TRAK1: variants seen among roughly 807,000 people sequenced by gnomAD.
TRAK1 encodes trafficking kinesin-binding protein 1.
Under a neutral mutation model 92.1 loss-of-function variants are expected in TRAK1, and 33 were observed. That is an observed-to-expected ratio of 0.36 (90% CI 0.27 to 0.48). TRAK1 has a LOEUF of 0.48. Ranked by LOEUF, TRAK1 falls within the 20% of genes least tolerant of loss-of-function variation. TRAK1 has a pLI of 0.99. For missense variants in TRAK1, 1,123 were observed against 1,257.9 expected (o/e 0.89, Z 1.62); for synonymous variants, 521 against 517.3 (o/e 1.01, Z -0.10).
At chr3:42,219,792 T>TG in intron 15 of TRAK1, among the ~76,000 whole-genome samples, 196 bp downstream of exon 15, 1 of 137,438 alleles carries the variant, frequency 7.3e-6, no homozygotes, top group Admixed American at 7.2e-5. Flanking sequence ...ATGTGTTTTT[T>TG]TTTTTTTTTT....
chr3:42,158,961 AAATAATAATAATAATAATAAT>A lies in TRAK1; in HGVS notation c.287-17831_287-17811del, dbSNP rs4016239. Among the ~76,000 whole-genome samples, 907 of 140,170 alleles carry A rather than the reference AAATAATAATAATAATAATAAT, an allele frequency of 6.5e-3. 7 individuals are homozygous for A. The highest frequency in any genetic ancestry group is 0.022 in the African/African-American group (834 of 38,344). The allele number at this position is 140,170 out of a possible 152,430, so 92.0% of individuals were successfully genotyped here. A position where few individuals can be genotyped will look rare whatever the true frequency, so the allele number is the denominator to read the frequency against. The stretch of plus-strand genomic sequence containing the variant: ...GCGACAAAGCAAGACTCTGTCTCAA[AAATAATAATAATAATAATAAT>A]AATAATAATAATAATAATAATTAGA... On this transcript the variant is annotated intron_variant, in intron 2 of 15. Transcript: ENST00000327628.
chr3:42,127,901 G>T (rs182196574), intron 2 of TRAK1, among the ~76,000 whole-genome samples: 178 of 152,222 alleles, frequency 1.2e-3, no homozygotes, highest in African/African-American at 4.2e-3. Flanking sequence ...ACTTGAGGCC[G>T]GGCGTGGTGG....
intron 1 of TRAK1, among the ~76,000 whole-genome samples, chr3:42,113,156 G>A (rs895204786): frequency 6.6e-6 from 1 of 152,158 alleles, no homozygotes; most frequent in African/African-American, 2.4e-5. Flanking sequence ...TGAGGTGGGC[G>A]GATCAGTTAA....
intron 1 of TRAK1, among the ~76,000 whole-genome samples, chr3:42,064,266 C>A (rs1030800642): frequency 2.6e-5 from 4 of 151,940 alleles, no homozygotes; most frequent in African/African-American, 7.3e-5. Context: ...GGGTTTGAGA[C>A]CAGCCTGGGC....
chr3:42,016,509 T>TCGTTGCATTCTGAGTCCCTGC (rs1701532794), intron 1 of TRAK1, among the ~76,000 whole-genome samples: 1 of 152,198 alleles, frequency 6.6e-6, no homozygotes, highest in Non-Finnish European at 1.5e-5. Flanking sequence ...CCAGTCCCTG[T>TCGTTGCATTCTGAGTCCCTGC]CGTTGCATTC....
chr3:42,163,566 T>A (rs1245490011), intron 2 of TRAK1, among the ~76,000 whole-genome samples: 3 of 140,806 alleles, frequency 2.1e-5, no homozygotes, highest in Admixed American at 1.4e-4. Flanking sequence ...AGACTCCATC[T>A]CAAAGAAAAA....
At position 42,067,595 on chromosome 3, in the gene TRAK1, T is replaced by TA. The variant is rs376095688; in HGVS notation, c.-518-19509_-518-19508insA. On this transcript the variant is annotated intron_variant, in intron 1 of 16. Transcript: ENST00000487159. ...GTTCCCCTTTAGTGCTTAGATGAGA[T>TA]TTTTTTTTTTTTCAGGCTTTGTAAG... is the stretch of plus-strand genomic sequence containing the variant. Among the ~76,000 whole-genome samples the TA allele has an allele frequency of 6.7e-3, 960 of 143,296 alleles. 5 individuals carry two copies. The highest frequency in any genetic ancestry group is 0.023 in the African/African-American group (886 of 39,298). 94.0% of individuals were successfully genotyped at this position (143,296 alleles called of 152,430 possible).
chr3:42,108,891 T>C (rs1396230607), intron 1 of TRAK1, among the ~76,000 whole-genome samples: 1 of 152,154 alleles, frequency 6.6e-6, no homozygotes, highest in Non-Finnish European at 1.5e-5. Flanking sequence ...CTATGTGCTT[T>C]GCTTAAGAAA....
upstream of TRAK1, among the ~76,000 whole-genome samples, chr3:42,089,922 C>T (rs148005708): frequency 1.8e-3 from 269 of 152,196 alleles, 1 homozygote; most frequent in African/African-American, 5.5e-3. Flanking sequence ...TCAATTGTGT[C>T]AATTTGTGCA....
intron 1 of TRAK1, among the ~76,000 whole-genome samples, chr3:42,080,803 T>A (rs1012571498): frequency 6.6e-6 from 1 of 152,242 alleles, no homozygotes; most frequent in Non-Finnish European, 1.5e-5. Context: ...ACAAACCAGC[T>A]TTTGAGTAGT....
chr3:42,090,623 C>T (rs1303474620), upstream of TRAK1, among the ~76,000 whole-genome samples: 1 of 152,170 alleles, frequency 6.6e-6, no homozygotes, highest in Admixed American at 6.5e-5. Flanking sequence ...ATGGAGGTTG[C>T]AGTGAGCTGA....
intron 1 of TRAK1, among the ~76,000 whole-genome samples, chr3:42,118,582 G>A (rs1365879282): frequency 6.6e-6 from 1 of 152,204 alleles, no homozygotes; most frequent in East Asian, 1.9e-4. Context: ...TGCAGGTGAG[G>A]ATCTAGCCCC....
chr3:42,191,454 C>T, intron 6 of TRAK1, 104 bp from the exon 7 acceptor site: 3 of 934,622 alleles, frequency 3.2e-6, no homozygotes, highest in Admixed American at 2.7e-5. Context: ...ATGCTAAGGG[C>T]AGCTTCCCAG....
At chr3:42,178,307 T>C (rs1348326170) in intron 3 of TRAK1, among the ~76,000 whole-genome samples, 3 of 152,174 alleles carry the variant, frequency 2.0e-5, no homozygotes, top group African/African-American at 7.2e-5. Flanking sequence ...TCACCCTTTC[T>C]GTAAAGCTCC....
Position 42,170,073 on chromosome 3 carries a change from T to A in TRAK1, c.287-6741T>A, listed in dbSNP as rs1702359815. Among the ~76,000 whole-genome samples the A allele has an allele frequency of 2.0e-5, 3 of 150,198 alleles. No homozygotes were observed. The South Asian group carries it at 6.4e-4, about 32-fold the overall frequency. ...GAGGAGCTATGGTGAAGAGTGAGCT[T>A]GGGTGGCAGGGGACGAGGCGGGAGG... On this transcript the variant is annotated intron_variant, in intron 2 of 15. Transcript: ENST00000327628.
intron 12 of TRAK1, among the ~76,000 whole-genome samples, chr3:42,201,865 C>T (rs993770954): frequency 1.6e-4 from 18 of 110,464 alleles, no homozygotes; most frequent in Admixed American, 8.6e-4. Context: ...GACGGACGGA[C>T]GGACGGACGG....
At chr3:42,083,888 A>G (rs1001575446), upstream of TRAK1, among the ~76,000 whole-genome samples, 1 of 149,672 alleles carries the variant, frequency 6.7e-6, no homozygotes, top group Non-Finnish European at 1.5e-5. Context: ...ATAAATAAAT[A>G]AAATAAATAA....
chr3:42,149,115 C>T (rs563312606), intron 2 of TRAK1: 296 of 886,604 alleles, frequency 3.3e-4, no homozygotes, highest in Non-Finnish European at 3.8e-4. Context: ...TCTATGGCAA[C>T]GGTTAGATTG....
chr3:42,020,121 C>T (rs1050759488), intron 1 of TRAK1, among the ~76,000 whole-genome samples: 7 of 152,120 alleles, frequency 4.6e-5, no homozygotes, highest in Non-Finnish European at 1.0e-4. Context: ...ACAATGCTCA[C>T]GAGAGGGACA....
Sources: gnomAD v4.1 joint callset for allele counts (sites outside exome capture counted in the v4.1 genomes callset) on GRCh38, gnomAD v4.1.1 for gene constraint, MANE v1.5 for transcripts, NCBI Gene and HGNC (gene_info 2026-07-23, HGNC 2026-07-21) for gene names.